The following MAP3K7CL variants were observed in gnomAD, a reference collection of about 807,000 sequenced individuals.
The protein encoded by MAP3K7CL is MAP3K7 C-terminal like.
A neutral mutation model predicts 18.6 loss-of-function variants in MAP3K7CL; 16 were observed. The ratio of observed to expected loss-of-function variants is 0.86; its 90% CI spans 0.58 to 1.31. The LOEUF (loss-of-function observed/expected upper bound fraction) is 1.31. Among genes scored for constraint, MAP3K7CL ranks in the 50% most tolerant of loss-of-function variants. The probability of loss-of-function intolerance (pLI) is 0.00; values close to 1 mark genes in which losing one functional copy is unlikely to be tolerated. For missense variants in MAP3K7CL, 163 were observed against 174.4 expected (o/e 0.93, Z 0.37); for synonymous variants, 65 against 66.8 (o/e 0.97, Z 0.13).
In MAP3K7CL at chr21:29,133,428, T is replaced by C. The variant is rs761207965; in HGVS notation, c.70+14T>C. The C allele has an allele frequency of 2.6e-6, 4 of 1,517,096 alleles. No individual in the cohort carries two copies. The South Asian group carries it at 5.0e-5, about 19-fold the overall frequency. 94.0% of individuals were successfully genotyped at this position (1,517,096 alleles called of 1,614,324 possible). A position where few individuals can be genotyped will look rare whatever the true frequency, so the allele number is the denominator to read the frequency against. ...ATGACGCCTCAGGTATACTCTGCTC[T>C]GGAAGAAGGATTGTTTCCTTCATAC... On this transcript the variant is annotated intron_variant, in intron 2 of 4. Coordinates refer to ENST00000399928, the MANE Select transcript of MAP3K7CL (RefSeq NM_001286620.2).
At chr21:29,142,530 G>T (rs974212719) in intron 2 of MAP3K7CL, among the ~76,000 whole-genome samples, 2 of 152,142 alleles carry the variant, frequency 1.3e-5, no homozygotes, top group African/African-American at 4.8e-5. Context: ...AGATGATGAA[G>T]AATAATTCCC....
chr21:29,140,204 A>G (rs1392218071), intron 2 of MAP3K7CL, among the ~76,000 whole-genome samples: 1 of 152,202 alleles, frequency 6.6e-6, no homozygotes, highest in African/African-American at 2.4e-5. Context: ...AAACTGAATT[A>G]TCAAATACTT....
At chr21:29,111,719 G>A (rs990499843) in intron 4 of MAP3K7CL, among the ~76,000 whole-genome samples, 1 of 152,126 alleles carries the variant, frequency 6.6e-6, no homozygotes, top group Non-Finnish European at 1.5e-5. Context: ...GAGTAGAAAG[G>A]GATTGAAGAG....
intron 3 of MAP3K7CL, among the ~76,000 whole-genome samples, chr21:29,153,946 T>C (rs567149734): frequency 2.6e-5 from 4 of 152,336 alleles, no homozygotes; most frequent in South Asian, 2.1e-4. Context: ...CTTAACTTCA[T>C]TGGAATGAGA....
In MAP3K7CL at chr21:29,120,646, T is replaced by C. The variant is rs557571952; in HGVS notation, c.370+28065T>C. 4.0e-5 allele frequency among the ~76,000 whole-genome samples: 6 copies of C among 151,502 alleles called. No individual in the cohort carries two copies. The South Asian group carries it at 1.3e-3, about 32-fold the overall frequency. On this transcript the variant is annotated intron_variant, in intron 4 of 6. Coordinates refer to the MAP3K7CL transcript ENST00000286791. ...CTCATGAAGGTATTAACATAGAATG[T>C]TTGAGTCTCTTTTCTTTCTTTCTTT...
At chr21:29,163,104 G>A (rs1183546793) in intron 4 of MAP3K7CL, among the ~76,000 whole-genome samples, 2 of 151,956 alleles carry the variant, frequency 1.3e-5, no homozygotes, top group Non-Finnish European at 2.9e-5. Context: ...GAGTGAGACT[G>A]TCTCAAAAAA....
At chr21:29,106,144 G>C (rs1340328370) in intron 4 of MAP3K7CL, among the ~76,000 whole-genome samples, 1 of 152,062 alleles carries the variant, frequency 6.6e-6, no homozygotes, top group Non-Finnish European at 1.5e-5. Flanking sequence ...TGTGGTCCAG[G>C]GCATGTCAAG....
intron 4 of MAP3K7CL, among the ~76,000 whole-genome samples, chr21:29,113,855 T>C (rs2086461060): frequency 6.6e-6 from 1 of 151,966 alleles, no homozygotes; most frequent in Non-Finnish European, 1.5e-5. Flanking sequence ...TAAGCATCAA[T>C]TGCTGGCCTG....
chr21:29,164,161 T>G (rs1321697159), intron 4 of MAP3K7CL, among the ~76,000 whole-genome samples: 2 of 152,234 alleles, frequency 1.3e-5, no homozygotes, highest in Admixed American at 1.3e-4. Flanking sequence ...ATATCTTATA[T>G]TTATAAATAC....
intron 1 of MAP3K7CL, among the ~76,000 whole-genome samples, chr21:29,078,952 T>C (rs1427737827): frequency 6.6e-6 from 1 of 152,234 alleles, no homozygotes; most frequent in African/African-American, 2.4e-5. Flanking sequence ...ATTCATTACA[T>C]AGATGACAAA....
intron 4 of MAP3K7CL, chr21:29,109,533 C>T (rs1418757000): frequency 1.3e-5 from 14 of 1,054,230 alleles, no homozygotes; most frequent in African/African-American, 3.4e-5. Flanking sequence ...ACCAGCAATT[C>T]CATAAGTACT....
chr21:29,111,083 C>T (rs1021709246), intron 4 of MAP3K7CL, among the ~76,000 whole-genome samples: 1 of 151,908 alleles, frequency 6.6e-6, no homozygotes. Context: ...GGTGAGACCT[C>T]ATTTCTACTA....
At chr21:29,099,212 T>C (rs1020642002) in intron 4 of MAP3K7CL, among the ~76,000 whole-genome samples, 26 of 151,660 alleles carry the variant, frequency 1.7e-4, no homozygotes, top group Non-Finnish European at 3.4e-4. Context: ...CACCCCAGCT[T>C]CCCAAGTAGC....
upstream of MAP3K7CL, among the ~76,000 whole-genome samples, chr21:29,129,217 T>G (rs1466442680): frequency 6.6e-6 from 1 of 152,246 alleles, no homozygotes; most frequent in Non-Finnish European, 1.5e-5. Flanking sequence ...ACATTAGGGT[T>G]CACTCTGTGT....
intron 4 of MAP3K7CL, among the ~76,000 whole-genome samples, chr21:29,118,497 G>A (rs2086541446): frequency 6.6e-6 from 1 of 152,072 alleles, no homozygotes. Flanking sequence ...GGTTGAATTG[G>A]GGGTGACAGT....
upstream of MAP3K7CL, among the ~76,000 whole-genome samples, chr21:29,082,319 T>C (rs935121350): frequency 3.3e-5 from 5 of 152,240 alleles, no homozygotes; most frequent in Non-Finnish European, 5.9e-5. Flanking sequence ...CAACAGCTAC[T>C]TCTTATTTCT....
At chr21:29,123,217 C>G (rs1391825573) in intron 4 of MAP3K7CL, among the ~76,000 whole-genome samples, 2 of 151,970 alleles carry the variant, frequency 1.3e-5, no homozygotes, top group Non-Finnish European at 2.9e-5. Flanking sequence ...TGCCCACCAC[C>G]AGGCCTGGCT....
At chr21:29,145,938 A>C (rs2087118722) in intron 2 of MAP3K7CL, among the ~76,000 whole-genome samples, 1 of 151,996 alleles carries the variant, frequency 6.6e-6, no homozygotes, top group Non-Finnish European at 1.5e-5. Context: ...GTATGGTCAC[A>C]TATGTGTGAG....
intron 4 of MAP3K7CL, among the ~76,000 whole-genome samples, chr21:29,162,179 G>A (rs1190469097): frequency 1.3e-5 from 2 of 152,036 alleles, no homozygotes; most frequent in Admixed American, 6.6e-5. Context: ...GCCTGTAAAT[G>A]TATCTTCTGG....
Sources: gnomAD v4.1 joint callset for allele counts (sites outside exome capture counted in the v4.1 genomes callset) on GRCh38, gnomAD v4.1.1 for gene constraint, MANE v1.5 for transcripts, NCBI Gene and HGNC (gene_info 2026-07-23, HGNC 2026-07-21) for gene names.